The following MGAM variants were observed in gnomAD, a reference collection of about 807,000 sequenced individuals.
MGAM encodes alpha-1,4-glucosidase.
MGAM carries 253 observed loss-of-function variants against 358.8 expected under a neutral mutation model. The observed-to-expected ratio is 0.71, with a 90% confidence interval of 0.64 to 0.78. The LOEUF is 0.78. Ranked by LOEUF, MGAM falls within the 30% of genes least tolerant of loss-of-function variation. The probability of loss-of-function intolerance (pLI) is 0.00; values close to 1 mark genes in which losing one functional copy is unlikely to be tolerated. For missense variants in MGAM, 3,080 were observed against 3,432.6 expected, an observed-to-expected ratio of 0.90 and a Z score of 2.57; for synonymous variants, 1,105 against 1,227.1, an observed-to-expected ratio of 0.90 and a Z score of 2.08.
rs541626665 is a variant in MGAM, at chr7:142,092,014, A to C, written c.6912A>C (p.Pro2304=). Residue 2304 remains proline (P), a synonymous_variant, in exon 58 of 71, where the codon CCA becomes CCC. Transcript: ENST00000475668. ...AACTATACAACAATCCACAGAATCC[A>C]GAGAGGAGCTTGAAGTTTGATGGCA... ...IEELYNNPQN[P]ERSLKFDGMW... 1.8e-5 allele frequency: 28 copies of C among 1,536,560 alleles called. 3 individuals carry two copies. In the South Asian group the frequency reaches 2.9e-4, roughly 16 times the overall value.
rs1308802634 is a variant in MGAM, at chr7:142,089,118, C to CTT, written c.6810+2401_6810+2402insTT. Among the ~76,000 whole-genome samples the CTT allele has an allele frequency of 4.1e-5, 6 of 145,838 alleles. 1 individual carries two copies. The highest frequency in any genetic ancestry group is 7.8e-5 in the Non-Finnish European group (5 of 64,494). On this transcript the variant is annotated intron_variant, in intron 57 of 70. Coordinates refer to ENST00000475668, the MANE Select transcript of MGAM (RefSeq NM_001365693.1). The stretch of plus-strand genomic sequence containing the variant: ...ACTTGAAGCTTAGTGGTCCAAGCAG[C>CTT]CCACATGGACACAGGAACCTGCCCA...
At chr7:142,076,097 A>G (rs1563199165) in intron 45 of MGAM, 106 bp from the exon 46 acceptor site, 3 of 868,168 alleles carry the variant, frequency 3.5e-6, no homozygotes, top group East Asian at 2.5e-5. Context: ...TAAAGGAAAT[A>G]CTGCCATTTG....
At chr7:142,071,715 C>G (rs1813365583) in intron 44 of MGAM, among the ~76,000 whole-genome samples, 1 of 145,858 alleles carries the variant, frequency 6.9e-6, no homozygotes, top group Admixed American at 6.9e-5. Flanking sequence ...ACTTTCCACC[C>G]TCCTAGAATC....
chr7:142,106,741 C>T lies in MGAM; in HGVS notation c.*850C>T, dbSNP rs1002776127. The T allele has an allele frequency of 2.0e-5, 3 of 152,128 alleles. No individual in the cohort carries two copies. Among genetic ancestry groups the T allele is most frequent in the Non-Finnish European group, 2.9e-5 (2 of 68,028 alleles). 9.4% of individuals were successfully genotyped at this position (152,128 alleles called of 1,614,324 possible). ...GATAAAAATAAAACAAGTGAATTTG[C>T]AAGTGATTTTGAATTTTGTGCTATT... is the stretch of plus-strand genomic sequence containing the variant. On this transcript the variant is annotated 3_prime_UTR_variant, in exon 71 of 71. Coordinates refer to ENST00000475668, the MANE Select transcript of MGAM (RefSeq NM_001365693.1).
Position 142,105,848 on chromosome 7 carries a change from G to T in MGAM, c.8219G>T (p.Ser2740Ile). 6.2e-7 allele frequency: 1 copy of T among 1,613,600 alleles called. No homozygotes were observed. The highest frequency in any genetic ancestry group is 8.5e-7 in the Non-Finnish European group (1 of 1,179,588). The change falls in exon 71 of 71, where the codon AGC (serine) becomes ATC (isoleucine). Residue 2740 changes from serine (S) to isoleucine (I), a missense_variant. Transcript: ENST00000475668. ...ATCGATGTGACTGACAGAAACATCA[G>T]CCTACATAATTTTACTTCATTGACG... The part of the protein sequence containing the change: ...LSIDVTDRNI[S>I]LHNFTSLTWI...
At chr7:142,080,658 T>A in intron 49 of MGAM, 133 bp from the exon 50 acceptor site, 1 of 827,708 alleles carries the variant, frequency 1.2e-6, no homozygotes, top group Non-Finnish European at 1.8e-6. Context: ...GTTAATTAAA[T>A]CTCAGACATC....
At position 142,068,746 on chromosome 7, in the gene MGAM, A is replaced by G; in HGVS notation, c.5061+43A>G. On this transcript the variant is annotated intron_variant, in intron 43 of 70. Transcript: ENST00000475668. Reference sequence around the variant, plus strand: ...TTTATATAACACGGGAATGTGGTAGAGAGTACAAAGGCTTTAGGTCCGATA... The same window carrying G: ...TTTATATAACACGGGAATGTGGTAGGGAGTACAAAGGCTTTAGGTCCGATA... 10 of 1,389,240 alleles carry G rather than the reference A, an allele frequency of 7.2e-6. 2 individuals carry two copies. Among genetic ancestry groups the G allele is most frequent in the Non-Finnish European group, 9.1e-6 (9 of 987,490 alleles). The allele number at this position is 1,389,240 out of a possible 1,614,324, so 86.1% of individuals were successfully genotyped here. A position where few individuals can be genotyped will look rare whatever the true frequency, so the allele number is the denominator to read the frequency against.
At chr7:142,079,505 A>T (rs958933717) in intron 49 of MGAM, among the ~76,000 whole-genome samples, 1 of 146,040 alleles carries the variant, frequency 6.8e-6, no homozygotes, top group Non-Finnish European at 1.6e-5. Context: ...TGCTTGATCA[A>T]TGTAAGATGA....
chr7:142,025,600 G>T (rs571166447), intron 8 of MGAM, among the ~76,000 whole-genome samples: 4 of 152,126 alleles, frequency 2.6e-5, no homozygotes, highest in African/African-American at 7.2e-5. Context: ...GAGAGTCATC[G>T]ATTCAATCAG....
chr7:142,079,050 C>T, intron 49 of MGAM, 42 bp downstream of exon 49: 2 of 1,458,616 alleles, frequency 1.4e-6, no homozygotes, highest in Non-Finnish European at 1.9e-6. Flanking sequence ...AGACCCTTTT[C>T]AGTTCCATTA....
At chr7:142,026,173 G>T (rs2960748) in intron 8 of MGAM, among the ~76,000 whole-genome samples, 18,623 of 151,954 alleles carry the variant, frequency 0.12, 1,167 homozygotes, top group East Asian at 0.2. Context: ...ACATAGAAGG[G>T]TTTTGAATTT....
At chr7:142,057,434 ATGG>A (rs1367178430) in intron 30 of MGAM, among the ~76,000 whole-genome samples, 3 of 138,700 alleles carry the variant, frequency 2.2e-5, no homozygotes, top group Non-Finnish European at 3.0e-5. Context: ...GGTGTTGGTT[ATGG>A]TGGTGGTGGT....
At chr7:142,091,436 T>C (rs1212210467) in intron 57 of MGAM, among the ~76,000 whole-genome samples, 3 of 145,930 alleles carry the variant, frequency 2.1e-5, no homozygotes, top group African/African-American at 4.9e-5. Flanking sequence ...AACACTGAGG[T>C]GTACTGGTCT....
chr7:142,065,336 G>T lies in MGAM; in HGVS notation c.4486G>T (p.Ala1496Ser). Residue 1496 changes from alanine to serine, a missense_variant and splice_region_variant, in exon 38 of 71, where the codon GCC becomes TCC. By Grantham distance (99) the Ala-to-Ser change is moderately conservative. Coordinates refer to ENST00000475668, the MANE Select transcript of MGAM (RefSeq NM_001365693.1). ...GWSQTRPTYE[A>S]VQEVTGQRGV... is the part of the protein sequence containing the mutation. ...CACCTCCTGTTCCCTTCCAAGCAGA[G>T]CCGTGCAGGAGGTGACGGGACAGCG... 1 of 1,608,346 alleles carries T rather than the reference G, an allele frequency of 6.2e-7. No homozygotes were observed. The highest frequency in any genetic ancestry group is 8.5e-7 in the Non-Finnish European group (1 of 1,177,880).
rs775519724 is a variant in MGAM, at chr7:142,086,752, G to A, written c.6810+35G>A. 5.6e-5 allele frequency: 57 copies of A among 1,023,162 alleles called. 17 individuals carry two copies. Among genetic ancestry groups the A allele is most frequent in the African/African-American group, 1.4e-4 (6 of 42,414 alleles). 63.4% of individuals were successfully genotyped at this position (1,023,162 alleles called of 1,614,324 possible). Reference sequence around the variant, plus strand: ...CTTTGTAAATTTGGGTGGAGTCAGGGTTTCTAGGAAGGGGCAGCCGTTCCT... The same window carrying A: ...CTTTGTAAATTTGGGTGGAGTCAGGATTTCTAGGAAGGGGCAGCCGTTCCT... On this transcript the variant is annotated intron_variant, in intron 57 of 70. Coordinates refer to ENST00000475668, the MANE Select transcript of MGAM (RefSeq NM_001365693.1).
At position 142,052,893 on chromosome 7, in the gene MGAM, C is replaced by T. The variant is rs1478782787; in HGVS notation, c.3068C>T (p.Ser1023Phe). The T allele has an allele frequency of 1.3e-5, 21 of 1,613,750 alleles. No individual in the cohort carries two copies. Among genetic ancestry groups the T allele is most frequent in the Non-Finnish European group, 1.5e-5 (18 of 1,179,858 alleles). The change falls in exon 26 of 71, where the codon TCT (serine) becomes TTT (phenylalanine). Residue 1023 changes from serine to phenylalanine, a missense_variant. Ser to Phe is a radical substitution (Grantham distance 155). Transcript: ENST00000475668. ...GCCACAGCTGACATCTCCTTAAAGT[C>T]TTCCGTTTATGCCAATGCCTTCCCC... ...HGATADISLKSSVYANAFPST... is the reference protein window; with the variant it reads ...HGATADISLKFSVYANAFPST...
chr7:142,034,603 G>T (rs767023493), intron 15 of MGAM, 67 bp from the exon 16 acceptor site: 15 of 1,414,204 alleles, frequency 1.1e-5, no homozygotes, highest in East Asian at 2.3e-5. Context: ...TTGTATTGTT[G>T]CTGTATCCCC....
chr7:142,082,895 G>C (rs1438161869), intron 52 of MGAM, among the ~76,000 whole-genome samples: 4 of 145,884 alleles, frequency 2.7e-5, no homozygotes, highest in Non-Finnish European at 6.2e-5. Context: ...AGAGAAGTTA[G>C]TCTGGGGATT....
chr7:142,096,061 C>A, intron 64 of MGAM: 1 of 596,398 alleles, frequency 1.7e-6, no homozygotes, highest in African/African-American at 1.9e-5. Context: ...AAGGGCCATC[C>A]TTGCATTTGA....
Sources: gnomAD v4.1 joint callset for allele counts (sites outside exome capture counted in the v4.1 genomes callset) on GRCh38, gnomAD v4.1.1 for gene constraint, MANE v1.5 for transcripts, NCBI Gene and HGNC (gene_info 2026-07-23, HGNC 2026-07-21) for gene names.